Variants in GRIK1 observed in about 807,000 individuals in gnomAD.
GRIK1 encodes glutamate receptor ionotropic, kainate 1.
In GRIK1, 69 loss-of-function variants were observed where a neutral mutation model predicts 105.7. The ratio of observed to expected loss-of-function variants is 0.65; its 90% CI spans 0.54 to 0.80. GRIK1 has a LOEUF of 0.80. GRIK1 is among the 30% of genes least tolerant of loss of function. GRIK1 has a pLI of 0.00. For missense variants in GRIK1, 1,109 were observed against 1,167.3 expected, an observed-to-expected ratio of 0.95 and a Z score of 0.73; for synonymous variants, 438 against 431.3, an observed-to-expected ratio of 1.02 and a Z score of -0.19.
chr21:29,936,926 A>C (rs2071777896), intron 1 of GRIK1, among the ~76,000 whole-genome samples: 3 of 152,166 alleles, frequency 2.0e-5, no homozygotes, highest in African/African-American at 7.2e-5. Flanking sequence ...TGAATATTTT[A>C]AGTCACTAAA....
intron 1 of GRIK1, among the ~76,000 whole-genome samples, chr21:29,923,224 T>C (rs2071247032): frequency 6.6e-6 from 1 of 152,208 alleles, no homozygotes; most frequent in Non-Finnish European, 1.5e-5. Flanking sequence ...AGAGAAGTTC[T>C]TTTTTCACTT....
intron 3 of GRIK1, among the ~76,000 whole-genome samples, chr21:29,678,374 A>T (rs2063313133): frequency 6.6e-6 from 1 of 152,186 alleles, no homozygotes; most frequent in Non-Finnish European, 1.5e-5. Flanking sequence ...GGCAAGTGGG[A>T]GTCTTCCCAA....
At chr21:29,607,109 T>A (rs1452646930) in intron 7 of GRIK1, among the ~76,000 whole-genome samples, 1 of 152,162 alleles carries the variant, frequency 6.6e-6, no homozygotes, top group East Asian at 1.9e-4. Flanking sequence ...GGCTGTTAAG[T>A]TTTCCTTTGG....
At chr21:29,602,871 G>A (rs1305069219) in intron 7 of GRIK1, among the ~76,000 whole-genome samples, 2 of 152,156 alleles carry the variant, frequency 1.3e-5, no homozygotes, top group Non-Finnish European at 2.9e-5. Context: ...GCATTATAGG[G>A]AGATCATTTG....
At position 29,643,991 on chromosome 21, in the gene GRIK1, T is replaced by G. The variant is rs909465852; in HGVS notation, c.955-1022A>C. Among the ~76,000 whole-genome samples the G allele has an allele frequency of 4.6e-5, 7 of 152,148 alleles. No homozygotes were observed. In the East Asian group the frequency reaches 1.3e-3, roughly 29 times the overall value. On this transcript the variant is annotated intron_variant, in intron 6 of 17. Coordinates refer to ENST00000327783, the MANE Select transcript of GRIK1 (RefSeq NM_001330994.2). ...GAGAAATCCCAGAGATGTCACTACT[T>G]CTGCTTATTATTTCTGGAGAGTAAT... is the stretch of plus-strand genomic sequence containing the variant.
chr21:29,888,192 T>C (rs1274505210), intron 1 of GRIK1, among the ~76,000 whole-genome samples: 12 of 13,770 alleles, frequency 8.7e-4, no homozygotes, highest in South Asian at 8.3e-3. Flanking sequence ...TTCCTTTCTT[T>C]CTTTCTCTCT....
At chr21:29,606,162 T>G (rs1251335043) in intron 7 of GRIK1, among the ~76,000 whole-genome samples, 1 of 152,178 alleles carries the variant, frequency 6.6e-6, no homozygotes, top group Non-Finnish European at 1.5e-5. Context: ...TTCTGTGAAA[T>G]TACATGTTAA....
At chr21:29,810,572 C>T (rs950017986) in intron 1 of GRIK1, among the ~76,000 whole-genome samples, 3 of 152,072 alleles carry the variant, frequency 2.0e-5, no homozygotes, top group Non-Finnish European at 4.4e-5. Flanking sequence ...CTTGTTTTGC[C>T]AAGCGTGTCA....
intron 7 of GRIK1, among the ~76,000 whole-genome samples, chr21:29,626,426 G>A (rs1183505584): frequency 1.3e-5 from 2 of 152,100 alleles, no homozygotes; most frequent in South Asian, 2.1e-4. Flanking sequence ...AACATCCAGG[G>A]TGAACGGTGT....
chr21:29,880,250 C>T (rs970046589), intron 1 of GRIK1, among the ~76,000 whole-genome samples: 1 of 152,080 alleles, frequency 6.6e-6, no homozygotes, highest in African/African-American at 2.4e-5. Context: ...TATTTGTCAG[C>T]ATAAAACTTC....
At chr21:29,715,621 TAG>T (rs1276116749) in intron 1 of GRIK1, among the ~76,000 whole-genome samples, 2 of 150,382 alleles carry the variant, frequency 1.3e-5, no homozygotes, top group Non-Finnish European at 1.5e-5. Context: ...GAACTAGACT[TAG>T]AGAGTTAGGG....
chr21:29,698,806 A>G (rs2063760158), intron 1 of GRIK1, among the ~76,000 whole-genome samples: 1 of 152,162 alleles, frequency 6.6e-6, no homozygotes, highest in South Asian at 2.1e-4. Context: ...AGGGTTGGAA[A>G]GTGAAAGAAG....
intron 1 of GRIK1, among the ~76,000 whole-genome samples, chr21:29,834,291 T>G (rs2067719431): frequency 6.7e-6 from 1 of 149,414 alleles, no homozygotes; most frequent in African/African-American, 2.4e-5. Flanking sequence ...TGAAAACTAT[T>G]AAACAGAAGT....
intron 1 of GRIK1, among the ~76,000 whole-genome samples, chr21:29,816,861 A>G (rs2067168103): frequency 6.6e-6 from 1 of 152,158 alleles, no homozygotes; most frequent in Non-Finnish European, 1.5e-5. Context: ...AGTAAGTTCT[A>G]GTGTTTGATA....
At chr21:29,624,792 G>A (rs559410816) in intron 7 of GRIK1, among the ~76,000 whole-genome samples, 3 of 152,376 alleles carry the variant, frequency 2.0e-5, no homozygotes, top group African/African-American at 7.2e-5. Flanking sequence ...GGCTAAACCT[G>A]TGCTTTGGCT....
At chr21:29,591,269 G>A in intron 9 of GRIK1, 44 bp from the exon 10 acceptor site, 1 of 1,140,902 alleles carries the variant, frequency 8.8e-7, no homozygotes, top group Non-Finnish European at 1.3e-6. Context: ...CTGTCAGTGT[G>A]GCATTTACAC....
intron 13 of GRIK1, 87 bp from the exon 14 acceptor site, chr21:29,577,268 A>C: frequency 1.3e-6 from 1 of 746,898 alleles, no homozygotes; most frequent in Non-Finnish European, 2.3e-6. Context: ...TAGGAAGATC[A>C]ACCTGTAAAA....
intron 1 of GRIK1, among the ~76,000 whole-genome samples, chr21:29,910,488 C>T (rs898474573): frequency 1.3e-5 from 2 of 152,082 alleles, no homozygotes; most frequent in African/African-American, 4.8e-5. Flanking sequence ...AAAGTAATGA[C>T]TGATATTCTC....
At chr21:29,545,562 C>G (rs2090037470) in intron 16 of GRIK1, among the ~76,000 whole-genome samples, 1 of 152,212 alleles carries the variant, frequency 6.6e-6, no homozygotes, top group Non-Finnish European at 1.5e-5. Context: ...TGCCCTTTCT[C>G]TACAGGGAAT....
Sources: allele counts gnomAD v4.1 joint callset (sites outside exome capture counted in the v4.1 genomes callset), GRCh38; gene constraint gnomAD v4.1.1; transcripts MANE v1.5; gene names NCBI Gene and HGNC (gene_info 2026-07-23, HGNC 2026-07-21).